The following LOC128462377 variants were observed in gnomAD, a reference collection of about 807,000 sequenced individuals.
the LOC128462377 span, among the ~76,000 whole-genome samples, chr16:89,402,297 C>T: frequency 2.0e-5 from 3 of 152,288 alleles, no homozygotes; most frequent in South Asian, 6.2e-4. Flanking sequence ...CGAGGCTTGT[C>T]TCAGCGATAC....
chr16:89,381,086 G>T, the LOC128462377 span, among the ~76,000 whole-genome samples: 1 of 152,114 alleles, frequency 6.6e-6, no homozygotes, highest in Non-Finnish European at 1.5e-5. Context: ...ACTTTGGGAG[G>T]CCGAGGCAGG....
chr16:89,383,898 C>A, the LOC128462377 span, among the ~76,000 whole-genome samples: 9 of 152,214 alleles, frequency 5.9e-5, no homozygotes, highest in African/African-American at 1.2e-4. Flanking sequence ...CACAAACACC[C>A]GCTAGGGCCT....
the LOC128462377 span, among the ~76,000 whole-genome samples, chr16:89,355,696 G>C: frequency 3.0e-4 from 46 of 152,312 alleles, no homozygotes; most frequent in African/African-American, 1.1e-3. Context: ...AAAACCCAAA[G>C]ATGCTCACTT....
chr16:89,414,057 C>G, the LOC128462377 span, among the ~76,000 whole-genome samples: 1 of 151,852 alleles, frequency 6.6e-6, no homozygotes, highest in Non-Finnish European at 1.5e-5. Flanking sequence ...GGCCTGCACA[C>G]CCTCCAGGAT....
chr16:89,415,006 G>A, the LOC128462377 span, among the ~76,000 whole-genome samples: 1 of 152,170 alleles, frequency 6.6e-6, no homozygotes, highest in African/African-American at 2.4e-5. Flanking sequence ...GTGCAGTGGT[G>A]TGATCATAGC....
the LOC128462377 span, among the ~76,000 whole-genome samples, chr16:89,397,007 T>C: frequency 2.0e-5 from 3 of 151,970 alleles, no homozygotes; most frequent in East Asian, 5.8e-4. Flanking sequence ...TAATTTTTTA[T>C]ACTGGAAAAT....
chr16:89,404,103 G>C, the LOC128462377 span, among the ~76,000 whole-genome samples: 1 of 152,170 alleles, frequency 6.6e-6, no homozygotes, highest in African/African-American at 2.4e-5. Context: ...TGCTAGCCCG[G>C]CACATGATTG....
At chr16:89,388,571 T>C in the LOC128462377 span, among the ~76,000 whole-genome samples, 2 of 152,048 alleles carry the variant, frequency 1.3e-5, no homozygotes, top group Admixed American at 1.3e-4. Context: ...ATGCTGCATG[T>C]GTGTCTCTGA....
the LOC128462377 span, among the ~76,000 whole-genome samples, chr16:89,351,765 A>G: frequency 6.6e-6 from 1 of 152,220 alleles, no homozygotes; most frequent in Admixed American, 6.5e-5. Flanking sequence ...AGTGACGATT[A>G]AAGGTCCAAG....
the LOC128462377 span, among the ~76,000 whole-genome samples, chr16:89,397,431 C>A: frequency 6.6e-6 from 1 of 152,214 alleles, no homozygotes; most frequent in Non-Finnish European, 1.5e-5. Context: ...CTCCCAGCGC[C>A]GTACCACTCC....
chr16:89,374,542 G>A, the LOC128462377 span, among the ~76,000 whole-genome samples: 2 of 152,188 alleles, frequency 1.3e-5, no homozygotes, highest in African/African-American at 2.4e-5. Flanking sequence ...TCTGCCGGCC[G>A]CTGTGTGTGT....
the LOC128462377 span, among the ~76,000 whole-genome samples, chr16:89,337,811 C>T: frequency 1.3e-5 from 2 of 152,132 alleles, no homozygotes; most frequent in East Asian, 1.9e-4. Context: ...TTGCCCAAGT[C>T]GCACGAGCAA....
the LOC128462377 span, among the ~76,000 whole-genome samples, chr16:89,349,514 G>C: frequency 6.6e-6 from 1 of 152,092 alleles, no homozygotes; most frequent in Non-Finnish European, 1.5e-5. Flanking sequence ...TAAATATATA[G>C]TCAACTAATT....
the LOC128462377 span, among the ~76,000 whole-genome samples, chr16:89,356,789 A>AG: frequency 2.0e-5 from 3 of 151,186 alleles, no homozygotes; most frequent in Non-Finnish European, 4.4e-5. Flanking sequence ...TCAAAAAAAA[A>AG]AAAAAAGAAA....
chr16:89,331,476 C>G, the LOC128462377 span, among the ~76,000 whole-genome samples: 6 of 152,154 alleles, frequency 3.9e-5, no homozygotes, highest in Non-Finnish European at 7.4e-5. Context: ...ATCAAAGAAT[C>G]TTAGTGTGTA....
the LOC128462377 span, among the ~76,000 whole-genome samples, chr16:89,385,598 C>G: frequency 2.0e-5 from 3 of 152,184 alleles, no homozygotes; most frequent in Non-Finnish European, 4.4e-5. Flanking sequence ...AAGACAGTCA[C>G]CATATTCCCA....
the LOC128462377 span, among the ~76,000 whole-genome samples, chr16:89,334,080 G>A: frequency 6.7e-6 from 1 of 149,270 alleles, no homozygotes; most frequent in African/African-American, 2.5e-5. Context: ...GGAAGGCTGA[G>A]GTGGGTGGAT....
chr16:89,329,504 A>C, the LOC128462377 span, among the ~76,000 whole-genome samples: 7 of 152,380 alleles, frequency 4.6e-5, no homozygotes, highest in African/African-American at 1.2e-4. Flanking sequence ...TACGTTTCCC[A>C]AAACCCACTG....
At chr16:89,389,721 A>T in the LOC128462377 span, among the ~76,000 whole-genome samples, 1 of 151,280 alleles carries the variant, frequency 6.6e-6, no homozygotes, top group African/African-American at 2.4e-5. Context: ...CCGAGAGAGA[A>T]GATCACTGGG....
Sources: gnomAD v4.1 joint callset for allele counts (sites outside exome capture counted in the v4.1 genomes callset) on GRCh38, gnomAD v4.1.1 for gene constraint, MANE v1.5 for transcripts.